The following SLC30A8 variants were observed in gnomAD, a reference collection of about 807,000 sequenced individuals.
The protein encoded by SLC30A8 is proton-coupled zinc antiporter SLC30A8.
In SLC30A8, 27 loss-of-function variants were observed where a neutral mutation model predicts 36.9. That is an observed-to-expected ratio of 0.73 (90% CI 0.54 to 1.01). SLC30A8 has a LOEUF of 1.01. Among genes scored for constraint, SLC30A8 ranks in the 50% least tolerant of loss-of-function variants. SLC30A8 has a pLI of 0.00. For synonymous variants in SLC30A8, 164 were observed against 172.4 expected, an observed-to-expected ratio of 0.95 and a Z score of 0.38; for missense variants, 439 against 452.0, an observed-to-expected ratio of 0.97 and a Z score of 0.26.
chr8:117,052,303 G>T (rs376580714), intron 2 of SLC30A8, among the ~76,000 whole-genome samples: 1 of 152,166 alleles, frequency 6.6e-6, no homozygotes, highest in African/African-American at 2.4e-5. Flanking sequence ...GAGCCACTGC[G>T]CCCAGCCAAG....
intron 1 of SLC30A8, among the ~76,000 whole-genome samples, chr8:116,975,467 C>G (rs576800816): frequency 6.6e-6 from 1 of 152,142 alleles, no homozygotes; most frequent in Non-Finnish European, 1.5e-5. Context: ...TCTTAGTTGT[C>G]AAGTAGAAGG....
intron 4 of SLC30A8, 115 bp downstream of exon 4, chr8:117,157,959 GTGTT>G (rs1427805069): frequency 6.0e-5 from 69 of 1,142,842 alleles, no homozygotes; most frequent in Non-Finnish European, 8.0e-5. Flanking sequence ...ACTGGACAGA[GTGTT>G]TGAATGGCTC....
intron 1 of SLC30A8, among the ~76,000 whole-genome samples, chr8:117,011,563 A>C (rs1223747017): frequency 6.6e-6 from 1 of 152,190 alleles, no homozygotes; most frequent in African/African-American, 2.4e-5. Context: ...ACTTTTTGCC[A>C]GCCTCAAGGC....
intron 2 of SLC30A8, among the ~76,000 whole-genome samples, chr8:117,062,600 A>G (rs989621842): frequency 5.9e-5 from 9 of 152,224 alleles, no homozygotes; most frequent in African/African-American, 2.2e-4. Flanking sequence ...ACAATTCAAC[A>G]TGAGATTTGT....
intron 1 of SLC30A8, among the ~76,000 whole-genome samples, chr8:116,968,420 C>T (rs993463536): frequency 2.0e-5 from 3 of 150,770 alleles, no homozygotes; most frequent in African/African-American, 7.3e-5. Flanking sequence ...GCTTATTGTA[C>T]TCAATAGCTG....
intron 2 of SLC30A8, among the ~76,000 whole-genome samples, chr8:117,106,549 T>C (rs1273256423): frequency 6.6e-6 from 1 of 152,172 alleles, no homozygotes; most frequent in African/African-American, 2.4e-5. Flanking sequence ...TTTTCTTTTG[T>C]GGATGAGGAC....
At chr8:116,986,031 G>T (rs531508985) in intron 1 of SLC30A8, among the ~76,000 whole-genome samples, 5 of 152,168 alleles carry the variant, frequency 3.3e-5, no homozygotes, top group African/African-American at 1.2e-4. Context: ...ATGCTAATAA[G>T]GGAAGGAATG....
chr8:116,970,303 CT>C (rs772746125), intron 1 of SLC30A8, among the ~76,000 whole-genome samples: 1 of 152,116 alleles, frequency 6.6e-6, no homozygotes, highest in Non-Finnish European at 1.5e-5. Context: ...CTGTCATTGC[CT>C]ATGAAAACAA....
At chr8:117,075,176 C>T (rs1259814576) in intron 2 of SLC30A8, among the ~76,000 whole-genome samples, 1 of 152,072 alleles carries the variant, frequency 6.6e-6, no homozygotes, top group Non-Finnish European at 1.5e-5. Flanking sequence ...CAAAGACATA[C>T]GATCACAAAC....
intron 2 of SLC30A8, among the ~76,000 whole-genome samples, chr8:117,095,350 G>A (rs1456406493): frequency 1.3e-5 from 2 of 152,072 alleles, no homozygotes; most frequent in Non-Finnish European, 2.9e-5. Context: ...CATATTACTA[G>A]CATTACTAGT....
At chr8:116,991,572 A>G (rs1384899216) in intron 1 of SLC30A8, among the ~76,000 whole-genome samples, 8 of 152,122 alleles carry the variant, frequency 5.3e-5, no homozygotes, top group Non-Finnish European at 7.4e-5. Flanking sequence ...CCAAAGTGCT[A>G]GGATTATAGG....
chr8:116,972,210 A>G (rs1168531273), intron 1 of SLC30A8, among the ~76,000 whole-genome samples: 1 of 152,240 alleles, frequency 6.6e-6, no homozygotes, highest in Non-Finnish European at 1.5e-5. Flanking sequence ...ATATCATGCA[A>G]CATTCTTCAT....
chr8:117,050,674 G>C (rs1424912924), intron 2 of SLC30A8, among the ~76,000 whole-genome samples: 2 of 152,204 alleles, frequency 1.3e-5, no homozygotes, highest in African/African-American at 2.4e-5. Flanking sequence ...TCAAAGTGCT[G>C]AGATTACAGG....
intron 2 of SLC30A8, among the ~76,000 whole-genome samples, chr8:117,078,955 T>G (rs1818575755): frequency 6.6e-6 from 1 of 152,094 alleles, no homozygotes; most frequent in Non-Finnish European, 1.5e-5. Flanking sequence ...CCCAAAGTGT[T>G]GGGATTAAAG....
intron 2 of SLC30A8, among the ~76,000 whole-genome samples, chr8:117,075,842 G>C (rs1322863292): frequency 6.6e-6 from 1 of 152,026 alleles, no homozygotes; most frequent in African/African-American, 2.4e-5. Context: ...CTATGATCTG[G>C]CCTCTCTTGT....
intron 1 of SLC30A8, among the ~76,000 whole-genome samples, chr8:117,021,340 C>T (rs1214143142): frequency 1.3e-5 from 2 of 152,152 alleles, no homozygotes; most frequent in African/African-American, 4.8e-5. Context: ...GAGGTCACCT[C>T]AATTTCTTTT....
intron 2 of SLC30A8, among the ~76,000 whole-genome samples, chr8:117,148,662 G>A (rs1183545960): frequency 6.6e-6 from 1 of 151,994 alleles, no homozygotes; most frequent in Non-Finnish European, 1.5e-5. Context: ...TTTCCCTCCA[G>A]GAATATGTTA....
At chr8:117,056,597 G>A (rs1817878340) in intron 2 of SLC30A8, among the ~76,000 whole-genome samples, 2 of 152,066 alleles carry the variant, frequency 1.3e-5, no homozygotes, top group South Asian at 4.1e-4. Flanking sequence ...CCCAGGATGA[G>A]GTCTAGTTGA....
At chr8:117,043,530 A>C (rs960752531) in intron 2 of SLC30A8, among the ~76,000 whole-genome samples, 2 of 152,252 alleles carry the variant, frequency 1.3e-5, no homozygotes, top group Non-Finnish European at 2.9e-5. Flanking sequence ...CACACAGGTG[A>C]TAAAGGTGAT....
Sources: allele counts gnomAD v4.1 joint callset (sites outside exome capture counted in the v4.1 genomes callset), GRCh38; gene constraint gnomAD v4.1.1; transcripts MANE v1.5; gene names NCBI Gene and HGNC (gene_info 2026-07-23, HGNC 2026-07-21).